TACC2: variants seen among roughly 807,000 people sequenced by gnomAD.
TACC2 encodes transforming acidic coiled-coil-containing protein 2.
TACC2 carries 137 observed loss-of-function variants against 227.3 expected under a neutral mutation model. The observed-to-expected ratio is 0.60, with a 90% confidence interval of 0.52 to 0.69. The LOEUF is 0.69. Among genes scored for constraint, TACC2 ranks in the 30% least tolerant of loss-of-function variants. TACC2 has a pLI of 0.00. For missense variants in TACC2, 3,470 were observed against 3,694.4 expected, an observed-to-expected ratio of 0.94 and a Z score of 1.57; for synonymous variants, 1,523 against 1,487.5, an observed-to-expected ratio of 1.02 and a Z score of -0.55.
intron 7 of TACC2, among the ~76,000 whole-genome samples, chr10:122,179,527 C>T (rs2140248245): frequency 6.6e-6 from 1 of 152,274 alleles, no homozygotes; most frequent in East Asian, 1.9e-4. Context: ...CACTTTAACC[C>T]CTACTTTTAT....
chr10:122,118,547 C>T (rs1328216622), intron 5 of TACC2, among the ~76,000 whole-genome samples: 1 of 152,180 alleles, frequency 6.6e-6, no homozygotes, highest in African/African-American at 2.4e-5. Context: ...TGAATCGTCT[C>T]CTCTCTTGAA....
chr10:122,119,658 A>G (rs575955792), intron 5 of TACC2, among the ~76,000 whole-genome samples: 196 of 152,326 alleles, frequency 1.3e-3, no homozygotes, highest in Middle Eastern at 3.4e-3. Context: ...TCACTCCTGT[A>G]ATCCCAGCAT....
At chr10:122,003,556 A>T (rs1184116899) in intron 1 of TACC2, among the ~76,000 whole-genome samples, 7 of 152,216 alleles carry the variant, frequency 4.6e-5, no homozygotes. Context: ...TTTTGCCTTT[A>T]ACCTCCAAAC....
chr10:122,196,188 A>G (rs1197936020), intron 8 of TACC2, among the ~76,000 whole-genome samples: 1 of 152,174 alleles, frequency 6.6e-6, no homozygotes, highest in Non-Finnish European at 1.5e-5. Flanking sequence ...TAACATTTTG[A>G]CCTTGATGTT....
At chr10:122,216,936 A>C (rs924337367) in intron 11 of TACC2, 108 bp downstream of exon 11, 3 of 1,590,946 alleles carry the variant, frequency 1.9e-6, no homozygotes, top group Non-Finnish European at 2.6e-6. Flanking sequence ...CCACGTGATC[A>C]TCATTGTGAG....
chr10:122,125,819 C>G (rs975087983), intron 5 of TACC2, among the ~76,000 whole-genome samples: 1 of 129,266 alleles, frequency 7.7e-6, no homozygotes, highest in Non-Finnish European at 1.6e-5. Context: ...CTCTGTTGTC[C>G]AGGCTGGAGT....
At chr10:122,162,202 G>GT (rs1229143454) in intron 7 of TACC2, among the ~76,000 whole-genome samples, 1 of 152,216 alleles carries the variant, frequency 6.6e-6, no homozygotes, top group Admixed American at 6.5e-5. Flanking sequence ...CTGGCATTCT[G>GT]TTTGACACTG....
At chr10:122,019,351 C>A (rs560298015) in intron 1 of TACC2, among the ~76,000 whole-genome samples, 1 of 152,324 alleles carries the variant, frequency 6.6e-6, no homozygotes, top group South Asian at 2.1e-4. Context: ...ATGTGCGTTT[C>A]CACATTATTT....
intron 3 of TACC2, among the ~76,000 whole-genome samples, chr10:122,073,973 G>C (rs1356944489): frequency 6.6e-6 from 1 of 151,674 alleles, no homozygotes; most frequent in Non-Finnish European, 1.5e-5. Context: ...ATAGAGACAG[G>C]GTTTCACCAT....
chr10:122,031,594 G>A (rs1244948228), intron 2 of TACC2, among the ~76,000 whole-genome samples: 1 of 151,622 alleles, frequency 6.6e-6, no homozygotes, highest in East Asian at 1.9e-4. Context: ...TAGTAGAGAT[G>A]GGGTTTCACC....
chr10:122,229,239 A>G, intron 14 of TACC2, 107 bp from the exon 15 acceptor site: 1 of 1,371,938 alleles, frequency 7.3e-7, no homozygotes, highest in Non-Finnish European at 1.0e-6. Flanking sequence ...CTTTAGCCTC[A>G]AGGCAAAAAT....
intron 7 of TACC2, among the ~76,000 whole-genome samples, chr10:122,175,560 T>A (rs1306254005): frequency 6.6e-6 from 1 of 152,218 alleles, no homozygotes; most frequent in Non-Finnish European, 1.5e-5. Context: ...TATGTGAATT[T>A]TTATTTTTCT....
chr10:122,249,525 G>A lies in TACC2; in HGVS notation c.8661-19G>A, dbSNP rs756291221. ...TGATCCACAAAAGAGTGATAATTCT[G>A]AGCTCCCTGTCTCCGCAGGGCCAAT... On this transcript the variant is annotated intron_variant, in intron 21 of 22. Transcript: ENST00000369005. 2.5e-6 allele frequency: 4 copies of A among 1,611,516 alleles called. No individual in the cohort carries two copies. In the South Asian group the frequency reaches 3.3e-5, roughly 13 times the overall value.
chr10:122,179,704 G>A (rs555549127), intron 7 of TACC2, among the ~76,000 whole-genome samples: 1 of 152,300 alleles, frequency 6.6e-6, no homozygotes, highest in Admixed American at 6.5e-5. Context: ...ACTTTAGGAA[G>A]CCGAGGCAGG....
At position 122,205,287 on chromosome 10, in the gene TACC2, C is replaced by T. The variant is rs2095064267; in HGVS notation, c.5972-5110C>T. ...GGGTCTCTGTGAGATCCTGAACACC[C>T]ACTGGTCTGAGGACAGAAGGCAGCC... is the stretch of plus-strand genomic sequence containing the variant. On this transcript the variant is annotated intron_variant, in intron 8 of 22. Transcript: ENST00000369005. The surrounding 1 kb of genome is among the most constrained non-coding windows in gnomAD (Gnocchi z 4.5). Among the ~76,000 whole-genome samples the T allele has an allele frequency of 6.6e-6, 1 of 152,156 alleles. No individual in the cohort carries two copies. Among genetic ancestry groups the T allele is most frequent in the Non-Finnish European group, 1.5e-5 (1 of 68,028 alleles).
chr10:122,059,475 C>T (rs1017278549), intron 3 of TACC2, among the ~76,000 whole-genome samples: 1 of 152,062 alleles, frequency 6.6e-6, no homozygotes, highest in Non-Finnish European at 1.5e-5. Context: ...CCAGGGTTTA[C>T]CCCCAGGCCA....
intron 7 of TACC2, among the ~76,000 whole-genome samples, chr10:122,157,452 TGGTGAA>T (rs2092561422): frequency 6.6e-6 from 1 of 152,192 alleles, no homozygotes; most frequent in Non-Finnish European, 1.5e-5. Context: ...TACAGTCACC[TGGTGAA>T]GGGCTTGTGG....
intron 5 of TACC2, among the ~76,000 whole-genome samples, chr10:122,126,316 C>CTGTGTGTGTGTGTGTGTGTGTG (rs3037067): frequency 0.046 from 6,577 of 141,942 alleles, 267 homozygotes; most frequent in Middle Eastern, 0.077. Flanking sequence ...TAATCCAGAA[C>CTGTGTGTGTGTGTGTGTGTGTG]TGTGTGTGTG....
In TACC2 at chr10:122,141,929, T is replaced by A. The variant is rs757369096; in HGVS notation, c.5700-1643T>A. ...TGCCGATTATGAGTACATGTCAGCCTCCAAAGTGCAAAATAGCTCTCTTAA... is the reference window on the plus strand; with the variant it reads ...TGCCGATTATGAGTACATGTCAGCCACCAAAGTGCAAAATAGCTCTCTTAA... On this transcript the variant is annotated intron_variant, in intron 6 of 22. Transcript: ENST00000369005. This position sits in a 1 kb window ranked among gnomAD's most constrained non-coding sequence, Gnocchi z 4.3. 2.0e-5 allele frequency among the ~76,000 whole-genome samples: 3 copies of A among 152,212 alleles called. No individual in the cohort carries two copies. Among genetic ancestry groups the A allele is most frequent in the Non-Finnish European group, 4.4e-5 (3 of 68,044 alleles).
Sources: allele counts gnomAD v4.1 joint callset (sites outside exome capture counted in the v4.1 genomes callset), GRCh38; gene constraint gnomAD v4.1.1; non-coding constraint Gnocchi (gnomAD v3.1); transcripts MANE v1.5; gene names NCBI Gene and HGNC (gene_info 2026-07-23, HGNC 2026-07-21).